CCT6B: variants seen among roughly 807,000 people sequenced by gnomAD.
CCT6B encodes the protein chaperonin containing TCP1 subunit 6B.
Under a neutral mutation model 61.5 loss-of-function variants are expected in CCT6B, and 49 were observed. The observed-to-expected ratio is 0.80, with a 90% CI of 0.63 to 1.01. The LOEUF is 1.01. Ranked by LOEUF, CCT6B falls within the 50% of genes least tolerant of loss-of-function variation. The pLI is 0.00. For missense variants in CCT6B, 666 were observed against 634.7 expected (o/e 1.05, Z -0.53); for synonymous variants, 228 against 214.5 (o/e 1.06, Z -0.55).
At position 34,935,298 on chromosome 17, in the gene CCT6B, G is replaced by C. The variant is rs541220589; in HGVS notation, c.1214-2798C>G. On this transcript the variant is annotated intron_variant, in intron 10 of 13. Transcript: ENST00000314144. ...TTAATGGGTTCAGAGTTTCAGTTTTGCAAGGAAAAAAAGTTCTGGAGATGG... is the reference window on the plus strand; with the variant it reads ...TTAATGGGTTCAGAGTTTCAGTTTTCCAAGGAAAAAAAGTTCTGGAGATGG... Among the ~76,000 whole-genome samples, 46 of 152,178 alleles carry C rather than the reference G, an allele frequency of 3.0e-4. No individual in the cohort carries two copies. In the South Asian group the frequency reaches 9.1e-3, roughly 30 times the overall value.
At chr17:34,929,641 G>C (rs1249060992) in intron 12 of CCT6B, among the ~76,000 whole-genome samples, 1 of 151,920 alleles carries the variant, frequency 6.6e-6, no homozygotes, top group Non-Finnish European at 1.5e-5. Flanking sequence ...AGCCTCCCAA[G>C]TAGCTGGGAT....
At chr17:34,946,888 T>C (rs2090230131) in intron 5 of CCT6B, among the ~76,000 whole-genome samples, 1 of 152,192 alleles carries the variant, frequency 6.6e-6, no homozygotes, top group African/African-American at 2.4e-5. Flanking sequence ...AGAAGAAATA[T>C]GGCTGAAAGG....
chr17:34,948,713 T>TC (rs796140518), intron 5 of CCT6B, among the ~76,000 whole-genome samples: 1,005 of 75,176 alleles, frequency 0.013, 54 homozygotes, highest in African/African-American at 0.022. Context: ...AAACTCCATC[T>TC]AAAAAAAAAA....
In CCT6B at chr17:34,940,577, T is replaced by G; in HGVS notation, c.930A>C (p.Ile310=). ...TTCTTTTTGCTCTGCGAAGAGCTAC[T>G]ATTCCATGTTTTGCAAGAGAATCTA... ...FSLDSLAKHG[I]VALRRAKRRN... is the part of the protein sequence containing the mutation. The change falls in exon 8 of 14, where the codon ATA becomes ATC. Residue 310 remains isoleucine (I), a synonymous_variant. Transcript: ENST00000314144. 1.9e-6 allele frequency: 3 copies of G among 1,584,058 alleles called. No homozygotes were observed. Among genetic ancestry groups the G allele is most frequent in the Non-Finnish European group, 2.6e-6 (3 of 1,163,428 alleles).
rs1271381512 is a variant in CCT6B at position 34,955,458 on chromosome 17, A to G, written c.337-859T>C. 2.6e-5 allele frequency among the ~76,000 whole-genome samples: 4 copies of G among 152,340 alleles called. No homozygotes were observed. The East Asian group carries it at 5.8e-4, about 22-fold the overall frequency. On this transcript the variant is annotated intron_variant, in intron 3 of 13. Coordinates refer to ENST00000314144, the MANE Select transcript of CCT6B (RefSeq NM_006584.4). ...TCTGCAACATACAGTTTAGAAAAGA[A>G]TAAGTACACTGATACTAAGGAAGAG...
intron 5 of CCT6B, among the ~76,000 whole-genome samples, chr17:34,946,074 G>A (rs1378673538): frequency 3.3e-5 from 5 of 152,172 alleles, no homozygotes; most frequent in Non-Finnish European, 5.9e-5. Flanking sequence ...TACATACTCA[G>A]GATTATCCAG....
intron 5 of CCT6B, chr17:34,944,445 A>G (rs967748796): frequency 6.6e-6 from 1 of 152,138 alleles, no homozygotes; most frequent in Non-Finnish European, 1.5e-5. Flanking sequence ...AACAATTCCT[A>G]TCATTAATAC....
chr17:34,941,740 G>C (rs2090166155), intron 7 of CCT6B, among the ~76,000 whole-genome samples: 1 of 152,112 alleles, frequency 6.6e-6, no homozygotes, highest in African/African-American at 2.4e-5. Context: ...TCTCCTTCAA[G>C]ACAACCATCA....
intron 5 of CCT6B, among the ~76,000 whole-genome samples, chr17:34,948,713 T>TA (rs1555550225): frequency 6.6e-5 from 5 of 75,340 alleles, no homozygotes; most frequent in African/African-American, 1.9e-4. Flanking sequence ...AAACTCCATC[T>TA]AAAAAAAAAA....
At position 34,930,992 on chromosome 17, in the gene CCT6B, C is replaced by T. The variant is rs143249349; in HGVS notation, c.1407G>A (p.Glu469=). 231 of 1,606,634 alleles carry T rather than the reference C, an allele frequency of 1.4e-4. No homozygotes were observed. The highest frequency in any genetic ancestry group is 8.3e-4 in the Middle Eastern group (5 of 6,026). Reference sequence around the variant, plus strand: ...CCACAAGTTGTTTTGACTCGACATGCTCAGCCTGAACTTTTACTAATGTTT... The same window carrying T: ...CCACAAGTTGTTTTGACTCGACATGTTCAGCCTGAACTTTTACTAATGTTT... ...PQETLVKVQA[E]HVESKQLVGV... Residue 469 remains glutamate (E), a synonymous_variant, in exon 12 of 14, where the codon GAG becomes GAA. Transcript: ENST00000314144.
At chr17:34,932,549 AAGAG>A (rs751375996) in intron 10 of CCT6B, 49 bp from the exon 11 acceptor site, 8 of 1,529,652 alleles carry the variant, frequency 5.2e-6, no homozygotes, top group Admixed American at 4.1e-5. Context: ...TAAAGACCAA[AAGAG>A]AGAGAGAGAC....
chr17:34,933,340 G>T (rs1458154388), intron 10 of CCT6B, among the ~76,000 whole-genome samples: 2 of 152,118 alleles, frequency 1.3e-5, no homozygotes, highest in Non-Finnish European at 2.9e-5. Context: ...TTTTATATCT[G>T]CTACTTGTAT....
chr17:34,944,359 T>C (rs529635075), intron 5 of CCT6B: 1 of 152,368 alleles, frequency 6.6e-6, no homozygotes, highest in Non-Finnish European at 1.5e-5. Context: ...TCCCTCTCTG[T>C]TCTTGCACTG....
intron 12 of CCT6B, among the ~76,000 whole-genome samples, chr17:34,929,898 A>G (rs8072494): frequency 0.21 from 31,213 of 152,154 alleles, 3,775 homozygotes; most frequent in East Asian, 0.56. Flanking sequence ...AAAAGATTAC[A>G]GATGCTTCAA....
At chr17:34,957,697 C>G (rs1339925766) in intron 3 of CCT6B, among the ~76,000 whole-genome samples, 1 of 152,056 alleles carries the variant, frequency 6.6e-6, no homozygotes, top group Non-Finnish European at 1.5e-5. Flanking sequence ...CAATACTAAA[C>G]GAAACACAGA....
intron 8 of CCT6B, among the ~76,000 whole-genome samples, chr17:34,940,078 T>C (rs1357512459): frequency 2.0e-5 from 3 of 152,188 alleles, no homozygotes; most frequent in Admixed American, 1.3e-4. Context: ...TATATTGTTA[T>C]TAACTACAGT....
chr17:34,928,961 C>A lies in CCT6B; in HGVS notation c.1523+1G>T. On this transcript the variant is annotated splice_donor_variant, in intron 13 of 13. Transcript: ENST00000314144. LOFTEE classifies it high-confidence loss of function. The stretch of plus-strand genomic sequence containing the variant: ...TTCACTTTATGTTCATATGAACTTA[C>A]CAAGAGTGAAGAAGTTGTTTTTTTA... 12 of 1,539,060 alleles carry A rather than the reference C, an allele frequency of 7.8e-6. No homozygotes were observed. The highest frequency in any genetic ancestry group is 1.1e-5 in the South Asian group (1 of 88,562).
At position 34,942,637 on chromosome 17, in the gene CCT6B, C is replaced by T. The variant is rs1427302574; in HGVS notation, c.732G>A (p.Val244=). The T allele has an allele frequency of 6.3e-7, 1 of 1,583,036 alleles. No homozygotes were observed. Among genetic ancestry groups the T allele is most frequent in the South Asian group, 1.2e-5 (1 of 85,164 alleles). The change falls in exon 7 of 14, where the codon GTG becomes GTA. Residue 244 remains valine, a synonymous_variant. Coordinates refer to ENST00000314144, the MANE Select transcript of CCT6B (RefSeq NM_006584.4). ...CAGTCTTATAAAAGAAACCAGAGTT[C>T]ACCTCTCTAAAAGATTAATAAAAAC... The part of the protein sequence containing the change: ...NVSLEYEKTE[V]NSGFFYKTAE...
intron 10 of CCT6B, 87 bp downstream of exon 10, chr17:34,939,096 T>C (rs573405948): frequency 1.3e-5 from 14 of 1,110,442 alleles, no homozygotes; most frequent in South Asian, 1.7e-5. Flanking sequence ...AATATACATA[T>C]ATACATACAT....
Sources: allele counts gnomAD v4.1 joint callset (sites outside exome capture counted in the v4.1 genomes callset), GRCh38; gene constraint gnomAD v4.1.1; transcripts MANE v1.5; gene names NCBI Gene and HGNC (gene_info 2026-07-23, HGNC 2026-07-21).